RPIA: variants seen among roughly 807,000 people sequenced by gnomAD.
RPIA encodes the protein ribose 5-phosphate isomerase A.
Under a neutral mutation model 37.8 loss-of-function variants are expected in RPIA, and 29 were observed. That is an observed-to-expected ratio of 0.77 (90% CI 0.57 to 1.05). The LOEUF is 1.05. RPIA is among the 50% of genes least tolerant of loss of function. RPIA has a pLI of 0.00. For missense variants in RPIA, 385 were observed against 413.6 expected (o/e 0.93, Z 0.60); for synonymous variants, 167 against 157.0 (o/e 1.06, Z -0.48).
At chr2:88,736,058 G>A (rs1401354710) in intron 6 of RPIA, among the ~76,000 whole-genome samples, 4 of 152,144 alleles carry the variant, frequency 2.6e-5, no homozygotes, top group African/African-American at 9.7e-5. Flanking sequence ...GATCCTCACA[G>A]GGAGCCTCAG....
At chr2:88,702,483 C>T (rs572091070) in intron 3 of RPIA, among the ~76,000 whole-genome samples, 3 of 152,290 alleles carry the variant, frequency 2.0e-5, no homozygotes, top group East Asian at 1.9e-4. Flanking sequence ...GAACAAGTCT[C>T]GTTTTACGTG....
intron 3 of RPIA, among the ~76,000 whole-genome samples, chr2:88,722,757 A>T (rs944136643): frequency 6.6e-6 from 1 of 152,218 alleles, no homozygotes; most frequent in African/African-American, 2.4e-5. Context: ...ACCTAAGAAG[A>T]ATCTGCCCAT....
intron 3 of RPIA, among the ~76,000 whole-genome samples, chr2:88,721,797 A>G (rs908089001): frequency 1.3e-5 from 2 of 150,638 alleles, no homozygotes; most frequent in Non-Finnish European, 3.0e-5. Context: ...ACATATATTT[A>G]TTTAAAAACA....
chr2:88,746,315 T>C (rs1324144672), intron 8 of RPIA, among the ~76,000 whole-genome samples: 2 of 152,216 alleles, frequency 1.3e-5, no homozygotes, highest in Non-Finnish European at 2.9e-5. Context: ...AGTGTGATCT[T>C]TGGGAGGTGC....
chr2:88,729,465 C>A, intron 4 of RPIA, 128 bp downstream of exon 4: 1 of 919,632 alleles, frequency 1.1e-6, no homozygotes, highest in Non-Finnish European at 1.7e-6. Flanking sequence ...ACCAAGTTTT[C>A]TCCTGGGACC....
chr2:88,705,545 A>G (rs1310191997), intron 3 of RPIA, among the ~76,000 whole-genome samples: 1 of 152,248 alleles, frequency 6.6e-6, no homozygotes, highest in African/African-American at 2.4e-5. Flanking sequence ...TACAACTTAT[A>G]TGAAAATTAA....
intron 4 of RPIA, among the ~76,000 whole-genome samples, chr2:88,732,793 A>G (rs1199428447): frequency 6.6e-6 from 1 of 151,564 alleles, no homozygotes; most frequent in East Asian, 1.9e-4. Flanking sequence ...GTTTTGTGGT[A>G]AAGACTAACA....
chr2:88,706,056 A>G (rs76773233), intron 3 of RPIA, among the ~76,000 whole-genome samples: 9,944 of 152,170 alleles, frequency 0.065, 589 homozygotes, highest in African/African-American at 0.16. Context: ...TCAAGAAACA[A>G]CAGATGCTGA....
chr2:88,709,808 C>A (rs1004735478), intron 3 of RPIA, among the ~76,000 whole-genome samples: 2 of 152,224 alleles, frequency 1.3e-5, no homozygotes, highest in African/African-American at 4.8e-5. Context: ...CAGCCTTTGG[C>A]TGCTGCGTCA....
At chr2:88,716,776 G>A (rs1017935216) in intron 3 of RPIA, among the ~76,000 whole-genome samples, 24 of 152,072 alleles carry the variant, frequency 1.6e-4, no homozygotes, top group Admixed American at 5.2e-4. Flanking sequence ...ATTTTTTGGG[G>A]GCCAAGAGAA....
chr2:88,705,896 A>T (rs928575808), intron 3 of RPIA, among the ~76,000 whole-genome samples: 1 of 152,248 alleles, frequency 6.6e-6, no homozygotes, highest in African/African-American at 2.4e-5. Flanking sequence ...AAATGGGCAA[A>T]GGACATGAAC....
chr2:88,722,951 G>GT (rs1358139584), intron 3 of RPIA, among the ~76,000 whole-genome samples: 1 of 152,122 alleles, frequency 6.6e-6, no homozygotes, highest in South Asian at 2.1e-4. Context: ...ACATTTGTTT[G>GT]TTTTTTTAAG....
rs778751544 is a variant in RPIA, at chr2:88,736,631, G to A, written c.693G>A (p.Gln231=). ...TCCCAGTGAGCCGAGCTGTGAGCCAGAAGTTTGGGGGCGTGGTTGAACTTC... is the reference window on the plus strand; with the variant it reads ...TCCCAGTGAGCCGAGCTGTGAGCCAAAAGTTTGGGGGCGTGGTTGAACTTC... ...AYVPVSRAVS[Q]KFGGVVELRM... The change falls in exon 7 of 9, where the codon CAG becomes CAA. Residue 231 remains glutamine (Q), a synonymous_variant. Transcript: ENST00000283646. The A allele has an allele frequency of 3.7e-6, 6 of 1,614,104 alleles. No homozygotes were observed. Among genetic ancestry groups the A allele is most frequent in the Non-Finnish European group, 3.4e-6 (4 of 1,179,958 alleles).
intron 4 of RPIA, 119 bp from the exon 5 acceptor site, chr2:88,734,433 G>A (rs1673290482): frequency 2.2e-6 from 2 of 912,526 alleles, no homozygotes; most frequent in South Asian, 2.7e-5. Context: ...TTTGCTAAAT[G>A]GGAGTACTAG....
Position 88,735,726 on chromosome 2 carries a change from C to T in RPIA, c.585C>T (p.Ile195=), listed in dbSNP as rs772173029. 37 of 1,613,848 alleles carry T rather than the reference C, an allele frequency of 2.3e-5. No homozygotes were observed. Among genetic ancestry groups the T allele is most frequent in the African/African-American group, 6.7e-5 (5 of 74,908 alleles). Reference sequence around the variant, plus strand: ...GCTATGCTAGTCGCTTCATCGTGATCGCTGATTTCAGGTACAGTTTCTGGT... The same window carrying T: ...GCTATGCTAGTCGCTTCATCGTGATTGCTGATTTCAGGTACAGTTTCTGGT... ...VAGYASRFIV[I]ADFRKDSKNL... Residue 195 remains isoleucine (I), a synonymous_variant, in exon 6 of 9, where the codon ATC becomes ATT. Coordinates refer to ENST00000283646, the MANE Select transcript of RPIA (RefSeq NM_144563.3).
intron 1 of RPIA, among the ~76,000 whole-genome samples, chr2:88,694,958 C>T (rs547650654): frequency 2.6e-4 from 35 of 134,654 alleles, no homozygotes; most frequent in Admixed American, 5.5e-4. Context: ...AAGAGCCAAT[C>T]ATACCTATTC....
chr2:88,716,988 T>C (rs1472263484), intron 3 of RPIA, among the ~76,000 whole-genome samples: 1 of 152,218 alleles, frequency 6.6e-6, no homozygotes, highest in Non-Finnish European at 1.5e-5. Context: ...GGATATGATT[T>C]AATGCTAGTA....
At chr2:88,697,775 G>A (rs1244818776) in intron 1 of RPIA, among the ~76,000 whole-genome samples, 1 of 152,154 alleles carries the variant, frequency 6.6e-6, no homozygotes, top group African/African-American at 2.4e-5. Flanking sequence ...CTCTGAGGCA[G>A]GCTCATGCAA....
intron 3 of RPIA, among the ~76,000 whole-genome samples, chr2:88,711,513 C>T (rs1016684673): frequency 2.0e-5 from 3 of 152,112 alleles, no homozygotes; most frequent in Non-Finnish European, 4.4e-5. Context: ...GTTATGGAGA[C>T]CAAGGTTCTT....
Sources: allele counts gnomAD v4.1 joint callset (sites outside exome capture counted in the v4.1 genomes callset), GRCh38; gene constraint gnomAD v4.1.1; transcripts MANE v1.5; gene names NCBI Gene and HGNC (gene_info 2026-07-23, HGNC 2026-07-21).